GABRB2: variants seen among roughly 807,000 people sequenced by gnomAD.
GABRB2 encodes gamma-aminobutyric acid receptor subunit beta-2.
Under a neutral mutation model 54.7 loss-of-function variants are expected in GABRB2, and 16 were observed. The ratio of observed to expected loss-of-function variants is 0.29; its 90% confidence interval spans 0.20 to 0.44. The LOEUF (loss-of-function observed/expected upper bound fraction) is 0.44. Ranked by LOEUF, GABRB2 falls within the 20% of genes least tolerant of loss-of-function variation. The pLI, the probability that GABRB2 is intolerant of heterozygous loss-of-function variation, is 1.00. For synonymous variants in GABRB2, 244 were observed against 233.8 expected, an observed-to-expected ratio of 1.04 and a Z score of -0.40; for missense variants, 355 against 644.0, an observed-to-expected ratio of 0.55 and a Z score of 4.86.
chr5:161,485,200 G>A (rs1192111476), intron 3 of GABRB2, among the ~76,000 whole-genome samples: 2 of 151,832 alleles, frequency 1.3e-5, no homozygotes, highest in African/African-American at 4.8e-5. Context: ...TCCTAATCTG[G>A]GTTAGACGCC....
intron 3 of GABRB2, among the ~76,000 whole-genome samples, chr5:161,492,541 C>T (rs1249094247): frequency 6.7e-6 from 1 of 148,592 alleles, no homozygotes; most frequent in African/African-American, 2.4e-5. Flanking sequence ...TATTGTTTTC[C>T]TTTGGAATTT....
chr5:161,433,842 T>C (rs1283671655), intron 4 of GABRB2, among the ~76,000 whole-genome samples: 1 of 152,144 alleles, frequency 6.6e-6, no homozygotes, highest in Non-Finnish European at 1.5e-5. Context: ...AAAAATAATT[T>C]ATAAAGTAAT....
intron 3 of GABRB2, among the ~76,000 whole-genome samples, chr5:161,502,951 T>A (rs1418452244): frequency 6.6e-6 from 1 of 152,130 alleles, no homozygotes; most frequent in Non-Finnish European, 1.5e-5. Context: ...TTTCTGGAGA[T>A]GTGTGAGCTG....
chr5:161,373,328 G>GTATT (rs1315018085), intron 5 of GABRB2, among the ~76,000 whole-genome samples: 2 of 152,134 alleles, frequency 1.3e-5, no homozygotes, highest in Non-Finnish European at 2.9e-5. Context: ...AACAGACAAT[G>GTATT]TATTTCAAGG....
At position 161,545,397 on chromosome 5, in the gene GABRB2, C is replaced by A. The variant is rs112410596; in HGVS notation, c.170-103G>T. 53 of 575,654 alleles carry A rather than the reference C, an allele frequency of 9.2e-5. 1 individual carries two copies. Among genetic ancestry groups the A allele is most frequent in the African/African-American group, 7.5e-4 (37 of 49,590 alleles). The allele number at this position is 575,654 out of a possible 1,614,324, so 35.7% of individuals were successfully genotyped here. A position where few individuals can be genotyped will look rare whatever the true frequency, so the allele number is the denominator to read the frequency against. On this transcript the variant is annotated intron_variant, in intron 2 of 9. Transcript: ENST00000393959. ...ACACTCTGCCCAAAACCCTTCTGCA[C>A]TACTCAATCTCAAATTTTTCAATTC... is the stretch of plus-strand genomic sequence containing the variant.
intron 4 of GABRB2, among the ~76,000 whole-genome samples, chr5:161,455,265 C>G (rs575203991): frequency 6.6e-6 from 1 of 152,244 alleles, no homozygotes; most frequent in Admixed American, 6.5e-5. Flanking sequence ...GGCTGACGAG[C>G]TTTGAGCACC....
intron 9 of GABRB2, among the ~76,000 whole-genome samples, chr5:161,307,234 A>T (rs1757715045): frequency 1.3e-5 from 2 of 152,152 alleles, no homozygotes. Context: ...GCGCCCCATT[A>T]TAGCAATGTA....
At chr5:161,336,812 AAC>A (rs1491231388) in intron 5 of GABRB2, 43 bp from the exon 6 acceptor site, 14 of 1,543,856 alleles carry the variant, frequency 9.1e-6, no homozygotes, top group Middle Eastern at 1.7e-4. Flanking sequence ...AAATACAGAA[AAC>A]AAAAAAAAAA....
chr5:161,526,521 T>C (rs1194682498), intron 3 of GABRB2, among the ~76,000 whole-genome samples: 3 of 151,452 alleles, frequency 2.0e-5, no homozygotes, highest in Non-Finnish European at 4.4e-5. Flanking sequence ...CAACAGAGTT[T>C]AGACACAGCA....
chr5:161,419,602 T>C (rs145706058), intron 4 of GABRB2, among the ~76,000 whole-genome samples: 55 of 152,372 alleles, frequency 3.6e-4, no homozygotes, highest in African/African-American at 1.3e-3. Context: ...ATGTGGTATA[T>C]ATACACTGTA....
chr5:161,392,569 C>T (rs1480316329), intron 5 of GABRB2, among the ~76,000 whole-genome samples: 2 of 152,158 alleles, frequency 1.3e-5, no homozygotes, highest in Non-Finnish European at 2.9e-5. Context: ...TCGGACTCCA[C>T]CACTCTGTGT....
intron 9 of GABRB2, among the ~76,000 whole-genome samples, chr5:161,313,646 T>C (rs553883644): frequency 3.5e-4 from 53 of 152,260 alleles, no homozygotes; most frequent in African/African-American, 1.2e-3. Flanking sequence ...TCCTGGTAGA[T>C]ATCAACTTCA....
Position 161,293,916 on chromosome 5 carries a change from C to G in GABRB2, c.*165G>C, listed in dbSNP as rs1757302975. The G allele has an allele frequency of 4.9e-6, 3 of 614,388 alleles. No homozygotes were observed. The East Asian group carries it at 8.3e-5, about 17-fold the overall frequency. 38.1% of individuals were successfully genotyped at this position (614,388 alleles called of 1,614,324 possible). A position where few individuals can be genotyped will look rare whatever the true frequency, so the allele number is the denominator to read the frequency against. The stretch of plus-strand genomic sequence containing the variant: ...GGACCTTAGTGTATTCATTACTTAG[C>G]AGAAGCAACCCAAATGGTATGAAAT... On this transcript the variant is annotated 3_prime_UTR_variant, in exon 10 of 10. Coordinates refer to ENST00000393959, the MANE Select transcript of GABRB2 (RefSeq NM_001371727.1).
intron 3 of GABRB2, among the ~76,000 whole-genome samples, chr5:161,535,267 A>G (rs1376528780): frequency 2.6e-5 from 4 of 152,208 alleles, no homozygotes; most frequent in African/African-American, 9.6e-5. Flanking sequence ...GAGTTATATT[A>G]TTCACACTGT....
chr5:161,379,017 T>C (rs531688623), intron 5 of GABRB2, among the ~76,000 whole-genome samples: 32 of 152,164 alleles, frequency 2.1e-4, no homozygotes, highest in Non-Finnish European at 3.7e-4. Flanking sequence ...ATCTCCTCAT[T>C]TTCACCACTC....
At chr5:161,495,610 A>T (rs1410334135) in intron 3 of GABRB2, among the ~76,000 whole-genome samples, 4 of 152,078 alleles carry the variant, frequency 2.6e-5, no homozygotes, top group African/African-American at 4.8e-5. Flanking sequence ...TATACTCCAG[A>T]AGGTGAATGG....
intron 5 of GABRB2, among the ~76,000 whole-genome samples, chr5:161,389,127 C>T (rs879396497): frequency 6.6e-6 from 1 of 151,952 alleles, no homozygotes; most frequent in Non-Finnish European, 1.5e-5. Context: ...TTAAACTAGA[C>T]AATGTGTAGT....
rs148772321 is a variant in GABRB2, at chr5:161,294,392, C to T, written c.1228G>A (p.Glu410Lys). Residue 410 changes from glutamate (E) to lysine (K), a missense_variant, in exon 10 of 10, where the codon GAG becomes AAG. Glu to Lys is a moderately conservative substitution (Grantham distance 56). This residue lies in a region of GABRB2 where 201 missense variants were observed against 228.1 expected (regional missense o/e 0.88). Coordinates refer to ENST00000393959, the MANE Select transcript of GABRB2 (RefSeq NM_001371727.1). ...PHENILLSTL[E>K]IKNEMATSEA... ...GATGTGGCCATTTCATTTTTTATCT[C>T]GAGAGTGCTCAGTAAGATGTTCTCA... 3.1e-6 allele frequency: 5 copies of T among 1,613,728 alleles called. No homozygotes were observed. The highest frequency in any genetic ancestry group is 1.7e-6 in the Non-Finnish European group (2 of 1,179,930).
chr5:161,541,237 A>G (rs1159115890), intron 3 of GABRB2, among the ~76,000 whole-genome samples: 1 of 152,042 alleles, frequency 6.6e-6, no homozygotes, highest in African/African-American at 2.4e-5. Context: ...CATGCTGTAA[A>G]CAGATATGCT....
Sources: gnomAD v4.1 joint callset for allele counts (sites outside exome capture counted in the v4.1 genomes callset) on GRCh38, gnomAD v4.1.1 for gene constraint, gnomAD v4.1.1 regional missense constraint, MANE v1.5 for transcripts, NCBI Gene and HGNC (gene_info 2026-07-23, HGNC 2026-07-21) for gene names.